The following SLC44A3 variants were observed in gnomAD, a reference collection of about 807,000 sequenced individuals.
SLC44A3 encodes choline transporter-like protein 3.
SLC44A3 carries 74 observed loss-of-function variants against 75.4 expected under a neutral mutation model. The ratio of observed to expected loss-of-function variants is 0.98; its 90% CI spans 0.81 to 1.19. SLC44A3 has a LOEUF of 1.19. Ranked by LOEUF, SLC44A3 falls within the 50% of genes most tolerant of loss-of-function variation. The probability of loss-of-function intolerance (pLI) is 0.00; values close to 1 mark genes in which losing one functional copy is unlikely to be tolerated. For missense variants in SLC44A3, 700 were observed against 778.6 expected (o/e 0.90, Z 1.20); for synonymous variants, 310 against 296.9 (o/e 1.04, Z -0.45).
At chr1:94,835,535 T>C (rs1177045885) in intron 5 of SLC44A3, among the ~76,000 whole-genome samples, 3 of 152,228 alleles carry the variant, frequency 2.0e-5, no homozygotes, top group African/African-American at 7.2e-5. Context: ...TCGTTACAAT[T>C]TTTTTGTAAC....
At chr1:94,823,227 G>A (rs1660855057) in intron 2 of SLC44A3, among the ~76,000 whole-genome samples, 1 of 152,148 alleles carries the variant, frequency 6.6e-6, no homozygotes, top group Non-Finnish European at 1.5e-5. Flanking sequence ...ACACAGTCCA[G>A]ACCTTACTAC....
chr1:94,840,005 T>G lies in SLC44A3; in HGVS notation c.728T>G (p.Ile243Ser). The G allele has an allele frequency of 6.2e-7, 1 of 1,614,034 alleles. No homozygotes were observed. The change falls in exon 7 of 15, where the codon ATT becomes AGT. Residue 243 changes from isoleucine (I) to serine (S), a missense_variant. Physicochemically the swap from Ile to Ser is moderately radical, Grantham distance 142 (BLOSUM62 -2). Coordinates refer to ENST00000271227, the MANE Select transcript of SLC44A3 (RefSeq NM_001114106.3). Reference protein sequence around the residue: ...FRFITTLLVHIFISLVILGLL... With the variant: ...FRFITTLLVHSFISLVILGLL... ...TTCATCACCACCCTTCTGGTTCACA[T>G]TTTCATTTCATTGGTTATTTTGGGA...
chr1:94,861,917 G>A (rs1383637844), intron 10 of SLC44A3, among the ~76,000 whole-genome samples: 1 of 152,166 alleles, frequency 6.6e-6, no homozygotes, highest in African/African-American at 2.4e-5. Flanking sequence ...AGGGACACTT[G>A]AGGTGTGACT....
chr1:94,832,222 G>T (rs1662224677), intron 5 of SLC44A3, among the ~76,000 whole-genome samples: 2 of 152,016 alleles, frequency 1.3e-5, no homozygotes, highest in South Asian at 4.1e-4. Context: ...ATCTCGAAAG[G>T]CGTAGCAGTT....
intron 12 of SLC44A3, among the ~76,000 whole-genome samples, chr1:94,868,802 G>A (rs1446090761): frequency 1.3e-5 from 2 of 152,272 alleles, no homozygotes; most frequent in African/African-American, 2.4e-5. Flanking sequence ...TACAAGGCCC[G>A]AGGGTTGACC....
intron 10 of SLC44A3, among the ~76,000 whole-genome samples, chr1:94,861,892 C>G (rs1192830958): frequency 6.6e-6 from 1 of 152,146 alleles, no homozygotes; most frequent in Non-Finnish European, 1.5e-5. Context: ...GAGCTAGAAC[C>G]CTTCAGGGTG....
At chr1:94,893,707 T>C (rs1318242515) in intron 14 of SLC44A3, among the ~76,000 whole-genome samples, 21 of 152,306 alleles carry the variant, frequency 1.4e-4, no homozygotes. Flanking sequence ...TACTTGTTTA[T>C]TGACTTATTT....
chr1:94,882,379 T>C (rs1669099732), intron 12 of SLC44A3, among the ~76,000 whole-genome samples: 1 of 152,168 alleles, frequency 6.6e-6, no homozygotes, highest in Non-Finnish European at 1.5e-5. Flanking sequence ...AGCCCATCTA[T>C]GTCATCTTCC....
chr1:94,847,325 G>A (rs1481804490), intron 9 of SLC44A3, among the ~76,000 whole-genome samples: 1 of 152,130 alleles, frequency 6.6e-6, no homozygotes, highest in East Asian at 1.9e-4. Context: ...GGCTGCTCAG[G>A]CTCCCACTGC....
intron 5 of SLC44A3, among the ~76,000 whole-genome samples, chr1:94,832,776 C>T (rs3860353): frequency 0.028 from 4,240 of 152,246 alleles, 238 homozygotes; most frequent in African/African-American, 0.098. Flanking sequence ...GAGTTCAAGA[C>T]CAGCCTGGAC....
chr1:94,878,818 A>G (rs1350022410), intron 12 of SLC44A3, among the ~76,000 whole-genome samples: 1 of 152,264 alleles, frequency 6.6e-6, no homozygotes, highest in Non-Finnish European at 1.5e-5. Flanking sequence ...AAAGATACCA[A>G]GACCACACAA....
intron 12 of SLC44A3, among the ~76,000 whole-genome samples, chr1:94,886,699 C>A (rs1218701377): frequency 6.6e-6 from 1 of 152,162 alleles, no homozygotes; most frequent in Non-Finnish European, 1.5e-5. Flanking sequence ...CTCACAGCCA[C>A]ACAGGGCGTC....
intron 11 of SLC44A3, among the ~76,000 whole-genome samples, chr1:94,865,535 G>T (rs1667070289): frequency 6.6e-6 from 1 of 152,154 alleles, no homozygotes; most frequent in Admixed American, 6.5e-5. Context: ...GTGCCTGGGG[G>T]ATTTCTCCTC....
At chr1:94,855,840 G>T (rs937064544) in intron 9 of SLC44A3, among the ~76,000 whole-genome samples, 2 of 152,174 alleles carry the variant, frequency 1.3e-5, no homozygotes, top group Non-Finnish European at 2.9e-5. Context: ...CAGGAAATAT[G>T]AAACAATCTC....
chr1:94,863,511 A>G (rs1284099747), intron 10 of SLC44A3, among the ~76,000 whole-genome samples: 1 of 152,156 alleles, frequency 6.6e-6, no homozygotes, highest in Non-Finnish European at 1.5e-5. Flanking sequence ...AAATCTCCTC[A>G]ATGGAAAAGT....
intron 3 of SLC44A3, among the ~76,000 whole-genome samples, chr1:94,827,039 A>T (rs939716960): frequency 6.6e-6 from 1 of 152,226 alleles, no homozygotes; most frequent in African/African-American, 2.4e-5. Flanking sequence ...AGAAGGGGGA[A>T]AAGACAAGCC....
chr1:94,843,381 G>A (rs1663926203), intron 8 of SLC44A3: 1 of 152,262 alleles, frequency 6.6e-6, no homozygotes, highest in Non-Finnish European at 1.5e-5. Context: ...AGATGAGCTA[G>A]TTCACTCATC....
intron 12 of SLC44A3, among the ~76,000 whole-genome samples, chr1:94,874,875 C>A (rs1055016273): frequency 6.6e-6 from 1 of 152,204 alleles, no homozygotes; most frequent in Non-Finnish European, 1.5e-5. Context: ...CCCAGTAAGT[C>A]ATTTCCTCTT....
rs747788194 is a variant in SLC44A3, at chr1:94,842,113, A to G, written c.874A>G (p.Thr292Ala). 2.5e-6 allele frequency: 4 copies of G among 1,608,112 alleles called. No individual in the cohort carries two copies. Among genetic ancestry groups the G allele is most frequent in the Non-Finnish European group, 2.5e-6 (3 of 1,177,490 alleles). Residue 292 changes from threonine to alanine, a missense_variant, in exon 8 of 15, where the codon ACA (threonine) becomes GCA (alanine). Thr to Ala is a moderately conservative substitution (Grantham distance 58, BLOSUM62 0). Transcript: ENST00000271227. ...KCVLGFAIVS[T>A]GITAVLLVLI... ...CGTGCTGGGGTTTGCTATCGTATCCACAGGCATCACGGTAAGAAATGCTCT... is the reference window on the plus strand; with the variant it reads ...CGTGCTGGGGTTTGCTATCGTATCCGCAGGCATCACGGTAAGAAATGCTCT...
Sources: allele counts gnomAD v4.1 joint callset (sites outside exome capture counted in the v4.1 genomes callset), GRCh38; gene constraint gnomAD v4.1.1; transcripts MANE v1.5; gene names NCBI Gene and HGNC (gene_info 2026-07-23, HGNC 2026-07-21).